Variants in ST8SIA2 observed in about 807,000 individuals in gnomAD.
The protein encoded by ST8SIA2 is alpha-2,8-sialyltransferase 8B.
ST8SIA2 carries 22 observed loss-of-function variants against 37.6 expected under a neutral mutation model. The observed-to-expected ratio is 0.58, with a 90% CI of 0.42 to 0.83. The LOEUF is 0.83. Ranked by LOEUF, ST8SIA2 falls within the 40% of genes least tolerant of loss-of-function variation. ST8SIA2 has a pLI of 0.00. For missense variants in ST8SIA2, 382 were observed against 484.7 expected, an observed-to-expected ratio of 0.79 and a Z score of 1.99; for synonymous variants, 205 against 201.2, an observed-to-expected ratio of 1.02 and a Z score of -0.16.
intron 1 of ST8SIA2, among the ~76,000 whole-genome samples, chr15:92,395,108 C>G (rs375769388): frequency 6.6e-6 from 1 of 152,148 alleles, no homozygotes; most frequent in South Asian, 2.1e-4. Flanking sequence ...CCGGGCCCCT[C>G]TCCGGAACCT....
At chr15:92,400,135 C>G (rs1272425986) in intron 1 of ST8SIA2, among the ~76,000 whole-genome samples, 1 of 152,166 alleles carries the variant, frequency 6.6e-6, no homozygotes, top group African/African-American at 2.4e-5. Flanking sequence ...CCTCCCAGGC[C>G]CTTCCTTTCT....
chr15:92,457,805 G>A (rs74895969), intron 5 of ST8SIA2, among the ~76,000 whole-genome samples: 3,913 of 152,264 alleles, frequency 0.026, 62 homozygotes, highest in Middle Eastern at 0.065. Context: ...TTGTTTACCC[G>A]TGGAGGCAGA....
intron 1 of ST8SIA2, among the ~76,000 whole-genome samples, chr15:92,424,331 A>G (rs1344540637): frequency 1.3e-5 from 2 of 152,232 alleles, no homozygotes. Context: ...GTATATATCA[A>G]AATATCATGA....
chr15:92,411,697 T>C (rs569808227), intron 1 of ST8SIA2, among the ~76,000 whole-genome samples: 5 of 152,116 alleles, frequency 3.3e-5, no homozygotes, highest in African/African-American at 1.2e-4. Flanking sequence ...GGCCCTGAGA[T>C]AGGAAGTGAC....
At chr15:92,448,785 A>T (rs1567222587) in intron 5 of ST8SIA2, among the ~76,000 whole-genome samples, 1 of 152,082 alleles carries the variant, frequency 6.6e-6, no homozygotes, top group Non-Finnish European at 1.5e-5. Flanking sequence ...TTAAGACAGG[A>T]CTCTGTAGTA....
At chr15:92,443,670 C>G (rs1748452454) in intron 4 of ST8SIA2, among the ~76,000 whole-genome samples, 1 of 152,248 alleles carries the variant, frequency 6.6e-6, no homozygotes, top group African/African-American at 2.4e-5. Context: ...CCCATCTCCT[C>G]CACACAATAT....
intron 1 of ST8SIA2, chr15:92,417,713 G>A (rs2049598203): frequency 6.6e-6 from 1 of 152,218 alleles, no homozygotes. Flanking sequence ...GACATCTGAG[G>A]TTAACAATGT....
At chr15:92,427,267 A>C (rs2049683620) in intron 1 of ST8SIA2, among the ~76,000 whole-genome samples, 1 of 149,922 alleles carries the variant, frequency 6.7e-6, no homozygotes, top group Non-Finnish European at 1.5e-5. Context: ...TGGCAAAAAA[A>C]AAAAAAAAAA....
At chr15:92,428,607 G>C (rs959097362) in intron 1 of ST8SIA2, among the ~76,000 whole-genome samples, 1 of 152,140 alleles carries the variant, frequency 6.6e-6, no homozygotes, top group African/African-American at 2.4e-5. Context: ...GACAGGAGCT[G>C]ACCCGACATT....
At chr15:92,455,689 G>A (rs2049915222) in intron 5 of ST8SIA2, among the ~76,000 whole-genome samples, 1 of 152,188 alleles carries the variant, frequency 6.6e-6, no homozygotes, top group Non-Finnish European at 1.5e-5. Context: ...CGGGCATTGA[G>A]GGTGTTTCCA....
chr15:92,406,371 C>T (rs117555304), intron 1 of ST8SIA2, among the ~76,000 whole-genome samples: 1 of 152,328 alleles, frequency 6.6e-6, no homozygotes, highest in East Asian at 1.9e-4. Context: ...CAGGACCACA[C>T]TTTGAGAACC....
chr15:92,446,916 C>T (rs1182070360), intron 5 of ST8SIA2, among the ~76,000 whole-genome samples: 1 of 152,044 alleles, frequency 6.6e-6, no homozygotes, highest in Non-Finnish European at 1.5e-5. Flanking sequence ...GTGAGAGAGG[C>T]AGGTGCCAGA....
chr15:92,422,827 C>T (rs1001189435), intron 1 of ST8SIA2: 3 of 152,604 alleles, frequency 2.0e-5, no homozygotes, highest in African/African-American at 7.2e-5. Context: ...CAGTCAAGCA[C>T]TTGTCAGCTG....
At chr15:92,429,621 CA>C (rs1291572402) in intron 1 of ST8SIA2, among the ~76,000 whole-genome samples, 2 of 152,190 alleles carry the variant, frequency 1.3e-5, no homozygotes, top group Non-Finnish European at 2.9e-5. Context: ...GGAGAGAATG[CA>C]ATGGACAACA....
At chr15:92,461,605 G>A (rs1397639120) in intron 5 of ST8SIA2, among the ~76,000 whole-genome samples, 1 of 152,174 alleles carries the variant, frequency 6.6e-6, no homozygotes. Flanking sequence ...CTTGGTAGCA[G>A]GAGGCACAAG....
chr15:92,438,443 C>T lies in ST8SIA2; in HGVS notation c.381C>T (p.Phe127=), dbSNP rs1322274246. The change falls in exon 4 of 6, where the codon TTC becomes TTT. Residue 127 remains phenylalanine (F), a synonymous_variant. Coordinates refer to ENST00000268164, the MANE Select transcript of ST8SIA2 (RefSeq NM_006011.4). The part of the protein sequence containing the change: ...LKPGDIIHYI[F]DRDSTMNVSQ... Reference sequence around the variant, plus strand: ...CTGGAGATATTATTCATTACATCTTCGATCGAGACAGCACCATGAATGTGT... The same window carrying T: ...CTGGAGATATTATTCATTACATCTTTGATCGAGACAGCACCATGAATGTGT... The T allele has an allele frequency of 6.2e-6, 10 of 1,614,096 alleles. No homozygotes were observed. Among genetic ancestry groups the T allele is most frequent in the South Asian group, 3.3e-5 (3 of 91,094 alleles).
rs749615576 is a variant in ST8SIA2 at position 92,464,417 on chromosome 15, A to G, written c.*32A>G. On this transcript the variant is annotated 3_prime_UTR_variant, in exon 6 of 6. Transcript: ENST00000268164. ...CACCCCATGGGACTCAGTGGCTCAC[A>G]TTTCCTGCCAGCTACACCACAGGCA... The G allele has an allele frequency of 3.1e-6, 5 of 1,612,070 alleles. No individual in the cohort carries two copies. The highest frequency in any genetic ancestry group is 4.2e-6 in the Non-Finnish European group (5 of 1,179,688).
intron 5 of ST8SIA2, among the ~76,000 whole-genome samples, chr15:92,447,008 G>A (rs913970963): frequency 6.6e-6 from 1 of 151,778 alleles, no homozygotes; most frequent in Non-Finnish European, 1.5e-5. Context: ...TGAGGGAGAA[G>A]ACCTGAGTTG....
At chr15:92,405,669 G>A (rs1019536944) in intron 1 of ST8SIA2, among the ~76,000 whole-genome samples, 2 of 152,210 alleles carry the variant, frequency 1.3e-5, no homozygotes, top group African/African-American at 4.8e-5. Flanking sequence ...AGGGGAAATG[G>A]AGGGAGAAAA....
Sources: allele counts gnomAD v4.1 joint callset (sites outside exome capture counted in the v4.1 genomes callset), GRCh38; gene constraint gnomAD v4.1.1; transcripts MANE v1.5; gene names NCBI Gene and HGNC (gene_info 2026-07-23, HGNC 2026-07-21).